The following PHEX variants were observed in gnomAD, a reference collection of about 807,000 sequenced individuals.
PHEX encodes the protein phosphate regulating endopeptidase X-linked, also known as phosphate-regulating neutral endopeptidase PHEX.
PHEX carries 16 observed loss-of-function variants against 68.0 expected under a neutral mutation model. The observed-to-expected ratio is 0.24, with a 90% CI of 0.16 to 0.36. The LOEUF (loss-of-function observed/expected upper bound fraction) is 0.36. PHEX is among the 10% of genes least tolerant of loss of function. The probability of loss-of-function intolerance (pLI) is 1.00; values close to 1 mark genes in which losing one functional copy is unlikely to be tolerated. For missense variants in PHEX, 480 were observed against 575.5 expected, an observed-to-expected ratio of 0.83 and a Z score of 1.70; for synonymous variants, 208 against 205.1, an observed-to-expected ratio of 1.01 and a Z score of -0.12.
intron 12 of PHEX, among the ~76,000 whole-genome samples, chrX:22,161,492 G>A (rs182233169): frequency 1.8e-5 from 2 of 112,784 alleles, no homozygotes; most frequent in Admixed American, 1.9e-4. Flanking sequence ...GTTTATGATT[G>A]TATGTTAATC....
At chrX:22,100,269 C>A (rs1203945054) in intron 9 of PHEX, among the ~76,000 whole-genome samples, 1 of 111,580 alleles carries the variant, frequency 9.0e-6, no homozygotes, top group East Asian at 2.8e-4. Flanking sequence ...TCCATTGAGT[C>A]TGATCCAGTA....
intron 14 of PHEX, among the ~76,000 whole-genome samples, chrX:22,185,756 G>GTTTTTTTTTTTT (rs3085228): frequency 5.7e-5 from 5 of 87,792 alleles, no homozygotes; most frequent in African/African-American, 1.0e-4. Context: ...CTCGTTTGTG[G>GTTTTTTTTTTTT]TTTTTTTTTT....
In PHEX at chrX:22,041,613, T is replaced by C. The variant is rs563350256; in HGVS notation, c.187+3076T>C. On this transcript the variant is annotated intron_variant, in intron 2 of 21. Transcript: ENST00000379374. ...GGCTTGAGTAGTTGACCTGAGGTTT[T>C]CTCCAGTGGTGAGAGATTGTCATGG... Among the ~76,000 whole-genome samples the C allele has an allele frequency of 3.4e-3, 379 of 110,130 alleles. 3 individuals carry two copies. Among genetic ancestry groups the C allele is most frequent in the South Asian group, 0.015 (38 of 2,586 alleles).
chrX:22,133,391 G>A, intron 11 of PHEX, 132 bp from the exon 12 acceptor site: 2 of 519,315 alleles, frequency 3.9e-6, no homozygotes, highest in Non-Finnish European at 7.0e-6. Flanking sequence ...AGAGCATGGA[G>A]TCAAGCTGAA....
intron 1 of PHEX, among the ~76,000 whole-genome samples, chrX:22,035,434 G>A (rs1210935658): frequency 8.9e-6 from 1 of 112,782 alleles, no homozygotes; most frequent in African/African-American, 3.2e-5. Flanking sequence ...CAATTCTGCT[G>A]TTGTTGCACA....
chrX:22,085,928 C>G lies in PHEX; in HGVS notation c.664-4501C>G, dbSNP rs755304557. 1.1e-4 allele frequency among the ~76,000 whole-genome samples: 12 copies of G among 111,888 alleles called. No individual in the cohort carries two copies. In the South Asian group the frequency reaches 4.1e-3, roughly 38 times the overall value. On this transcript the variant is annotated intron_variant, in intron 5 of 21. Coordinates refer to ENST00000379374, the MANE Select transcript of PHEX (RefSeq NM_000444.6). Reference sequence around the variant, plus strand: ...CTATCATTACTGTATTGCAGTCTCCCTCTCCCTTTAGATCTGTTAATATTT... The same window carrying G: ...CTATCATTACTGTATTGCAGTCTCCGTCTCCCTTTAGATCTGTTAATATTT...
intron 3 of PHEX, among the ~76,000 whole-genome samples, chrX:22,054,090 A>G: frequency 8.9e-6 from 1 of 112,256 alleles, no homozygotes; most frequent in East Asian, 2.8e-4. Flanking sequence ...TGTTGTATGT[A>G]TAGTAGAGCT....
intron 20 of PHEX, among the ~76,000 whole-genome samples, chrX:22,236,841 T>A (rs1209693897): frequency 5.3e-5 from 6 of 112,684 alleles, no homozygotes; most frequent in African/African-American, 6.4e-5. Context: ...AATATCTCTT[T>A]GTAGATAAAA....
intron 12 of PHEX, among the ~76,000 whole-genome samples, chrX:22,136,042 T>A (rs1385031644): frequency 6.3e-5 from 7 of 110,301 alleles, no homozygotes; most frequent in African/African-American, 2.0e-4. Flanking sequence ...TGTAAATTTT[T>A]TTTTTTTTTT....
rs1260711156 is a variant in PHEX at position 22,249,453 on chromosome X, AAAATATATAT to A, written c.*1502_*1511del. 1.2e-3 allele frequency: 35 copies of A among 28,041 alleles called. 2 individuals are homozygous for A. The highest frequency in any genetic ancestry group is 0.015 in the Middle Eastern group (1 of 65). The allele number at this position is 28,041 out of a possible 1,213,427, so 2.3% of individuals were successfully genotyped here. ...ATTTGTGATTCTTTTAAAAAAAAAA[AAAATATATAT>A]ATATATATATATATATATATATATG... On this transcript the variant is annotated 3_prime_UTR_variant, in exon 22 of 22. Coordinates refer to ENST00000379374, the MANE Select transcript of PHEX (RefSeq NM_000444.6).
intron 12 of PHEX, among the ~76,000 whole-genome samples, chrX:22,138,238 C>T (rs748880508): frequency 8.9e-6 from 1 of 112,831 alleles, no homozygotes; most frequent in Non-Finnish European, 1.9e-5. Flanking sequence ...TGTAAGGCAA[C>T]AGCACATTTC....
chrX:22,166,586 T>C, intron 12 of PHEX, among the ~76,000 whole-genome samples: 2 of 111,050 alleles, frequency 1.8e-5, no homozygotes, highest in Admixed American at 1.9e-4. Flanking sequence ...CATTAGAAAA[T>C]GGGTAAATTA....
chrX:22,089,849 AC>A (rs766861569), intron 5 of PHEX, among the ~76,000 whole-genome samples: 2 of 112,509 alleles, frequency 1.8e-5, no homozygotes, highest in African/African-American at 3.2e-5. Flanking sequence ...GAGGGTTCTA[AC>A]ATTTGCGAAG....
chrX:22,052,245 A>G (rs1306443977), intron 3 of PHEX, among the ~76,000 whole-genome samples: 1 of 112,328 alleles, frequency 8.9e-6, no homozygotes. Context: ...TTATTTATTT[A>G]TGACAGAGCC....
At chrX:22,044,151 A>G in intron 2 of PHEX, among the ~76,000 whole-genome samples, 1 of 110,444 alleles carries the variant, frequency 9.1e-6, no homozygotes, top group Non-Finnish European at 1.9e-5. Flanking sequence ...TACTGGCGAG[A>G]TGGAGAGGAT....
At chrX:22,194,308 C>G (rs1451829074) in intron 15 of PHEX, among the ~76,000 whole-genome samples, 2 of 112,004 alleles carry the variant, frequency 1.8e-5, no homozygotes, top group African/African-American at 3.2e-5. Flanking sequence ...GACAAGGAAT[C>G]CTTTGGGTGA....
chrX:22,126,960 C>T (rs1268112733), intron 11 of PHEX, among the ~76,000 whole-genome samples: 1 of 103,658 alleles, frequency 9.6e-6, no homozygotes, highest in Admixed American at 1.0e-4. Context: ...CACCCTCCAC[C>T]TCCCGGGTTC....
At chrX:22,084,734 G>A (rs767251455) in intron 5 of PHEX, among the ~76,000 whole-genome samples, 37 of 110,244 alleles carry the variant, frequency 3.4e-4, no homozygotes, top group African/African-American at 9.9e-4. Context: ...ATGTTGGTAG[G>A]TTGCATATGT....
chrX:22,037,329 C>G (rs1056975317), intron 1 of PHEX, among the ~76,000 whole-genome samples: 2 of 111,037 alleles, frequency 1.8e-5, no homozygotes, highest in African/African-American at 6.6e-5. Context: ...TACTGCCGAG[C>G]TTTCTGCCAC....
Sources: gnomAD v4.1 joint callset for allele counts (sites outside exome capture counted in the v4.1 genomes callset) on GRCh38, gnomAD v4.1.1 for gene constraint, MANE v1.5 for transcripts, NCBI Gene and HGNC (gene_info 2026-07-23, HGNC 2026-07-21) for gene names.